Variants in RHCG observed in about 807,000 individuals in gnomAD.
The protein encoded by RHCG is ammonium transporter Rh type C.
Under a neutral mutation model 55.3 loss-of-function variants are expected in RHCG, and 39 were observed. The ratio of observed to expected loss-of-function variants is 0.70; its 90% confidence interval spans 0.55 to 0.92. The LOEUF (loss-of-function observed/expected upper bound fraction) is 0.92, where lower values mean the gene tolerates loss of function less well. RHCG is among the 40% of genes least tolerant of loss of function. The probability of loss-of-function intolerance (pLI) is 0.00; values close to 1 mark genes in which losing one functional copy is unlikely to be tolerated. For missense variants in RHCG, 635 were observed against 627.9 expected (o/e 1.01, Z -0.12); for synonymous variants, 250 against 246.8 (o/e 1.01, Z -0.12).
chr15:89,486,564 C>CAGAGAGAG lies in RHCG; in HGVS notation c.371+227_371+234dup, dbSNP rs59120813. On this transcript the variant is annotated intron_variant, in intron 2 of 10. Transcript: ENST00000268122. Reference sequence around the variant, plus strand: ...AAGCGAAGTGAGAGAGAGAGAGAGACAGAGAGAGAGAGAGAGAGAGAGAGA... The same window carrying CAGAGAGAG: ...AAGCGAAGTGAGAGAGAGAGAGAGACAGAGAGAGAGAGAGAGAGAGAGAGAGAGAGAGA... The CAGAGAGAG allele has an allele frequency of 6.8e-4, 182 of 269,208 alleles. 1 individual carries two copies. The highest frequency in any genetic ancestry group is 3.5e-3 in the African/African-American group (102 of 29,390). The allele number at this position is 269,208 out of a possible 1,614,324, so 16.7% of individuals were successfully genotyped here. A position where few individuals can be genotyped will look rare whatever the true frequency, so the allele number is the denominator to read the frequency against.
At chr15:89,478,398 C>T (rs1433927985) in intron 5 of RHCG, among the ~76,000 whole-genome samples, 1 of 152,210 alleles carries the variant, frequency 6.6e-6, no homozygotes, top group East Asian at 1.9e-4. Context: ...TGTCTGAATG[C>T]TAACCTGTAC....
intron 9 of RHCG, 37 bp from the exon 10 acceptor site, chr15:89,472,900 C>T (rs535544909): frequency 7.2e-7 from 1 of 1,394,532 alleles, no homozygotes; most frequent in South Asian, 1.6e-5. Context: ...GGCCCTGTCC[C>T]AGTCCAGGCA....
In RHCG at chr15:89,479,757, G is replaced by A; in HGVS notation, c.671-269C>T. 7 of 489,570 alleles carry A rather than the reference G, an allele frequency of 1.4e-5. No homozygotes were observed. In the South Asian group the frequency reaches 1.9e-4, roughly 14 times the overall value. 30.3% of individuals were successfully genotyped at this position (489,570 alleles called of 1,614,324 possible). On this transcript the variant is annotated intron_variant, in intron 4 of 10. Transcript: ENST00000268122. ...CCCCACCCTGTTCCCACAGCGCCAGGAGGGAGAATCTTTTCTCTACTGTAG... is the reference window on the plus strand; with the variant it reads ...CCCCACCCTGTTCCCACAGCGCCAGAAGGGAGAATCTTTTCTCTACTGTAG...
chr15:89,474,873 C>G (rs1457611590), intron 9 of RHCG, among the ~76,000 whole-genome samples: 1 of 139,010 alleles, frequency 7.2e-6, no homozygotes, highest in Non-Finnish European at 1.5e-5. Flanking sequence ...TTCCTGCCTG[C>G]CTTCCTTCCT....
chr15:89,478,796 A>T (rs1010611238), intron 5 of RHCG, among the ~76,000 whole-genome samples: 1 of 152,186 alleles, frequency 6.6e-6, no homozygotes, highest in Non-Finnish European at 1.5e-5. Context: ...CGCTTGTGTC[A>T]GATTATAAGA....
intron 1 of RHCG, among the ~76,000 whole-genome samples, chr15:89,489,841 C>T (rs1367875071): frequency 2.0e-5 from 3 of 152,166 alleles, no homozygotes; most frequent in Admixed American, 6.5e-5. Flanking sequence ...AGGTTCTCTC[C>T]CTTATGGCAC....
intron 9 of RHCG, among the ~76,000 whole-genome samples, chr15:89,475,650 G>A (rs981774759): frequency 6.6e-6 from 1 of 152,204 alleles, no homozygotes; most frequent in Non-Finnish European, 1.5e-5. Context: ...AAGGTCTCCA[G>A]GTGGTTCTCA....
At chr15:89,489,257 C>A in intron 1 of RHCG, among the ~76,000 whole-genome samples, 1 of 152,044 alleles carries the variant, frequency 6.6e-6, no homozygotes, top group Non-Finnish European at 1.5e-5. Flanking sequence ...GCTGGGATTA[C>A]AGGCATGTGC....
In RHCG at chr15:89,472,877, A is replaced by C; in HGVS notation, c.1312-14T>G. 1 of 1,426,516 alleles carries C rather than the reference A, an allele frequency of 7.0e-7. No individual in the cohort carries two copies. Among genetic ancestry groups the C allele is most frequent in the Non-Finnish European group, 9.3e-7 (1 of 1,078,848 alleles). The allele number at this position is 1,426,516 out of a possible 1,614,324, so 88.4% of individuals were successfully genotyped here. ...CCCTTCAGGCATCTACAGAGAGAGG[A>C]TGCAACTCTGAGGGCCCTGTCCCAG... On this transcript the variant is annotated splice_polypyrimidine_tract_variant and intron_variant, in intron 9 of 10. Coordinates refer to ENST00000268122, the MANE Select transcript of RHCG (RefSeq NM_016321.3).
At chr15:89,486,712 G>A in intron 2 of RHCG, 87 bp downstream of exon 2, 3 of 1,412,060 alleles carry the variant, frequency 2.1e-6, no homozygotes, top group Non-Finnish European at 2.9e-6. Context: ...GGGTCCCGCC[G>A]ATGGGCACGC....
intron 8 of RHCG, 51 bp from the exon 9 acceptor site, chr15:89,476,879 CACCCCAGCCATTTCCCTCAGCTG>C: frequency 1.3e-6 from 2 of 1,564,436 alleles, no homozygotes; most frequent in African/African-American, 2.7e-5. Context: ...TCTCTCTGCT[CACCCCAGCCATTTCCCTCAGCTG>C]GGAAAATCCT....
chr15:89,481,225 G>A lies in RHCG; in HGVS notation c.523-817C>T, dbSNP rs535857758. Among the ~76,000 whole-genome samples the A allele has an allele frequency of 1.1e-4, 17 of 152,266 alleles. No individual in the cohort carries two copies. In the East Asian group the frequency reaches 1.5e-3, roughly 14 times the overall value. ...AGCACTTTGGGAGGCCAAGGCAGGC[G>A]GATCACCTGAGGTCAGGAGTTCAAG... is the stretch of plus-strand genomic sequence containing the variant. On this transcript the variant is annotated intron_variant, in intron 3 of 10. Transcript: ENST00000268122.
At chr15:89,495,257 C>T (rs527704199) in intron 1 of RHCG, among the ~76,000 whole-genome samples, 16 of 152,300 alleles carry the variant, frequency 1.1e-4, no homozygotes, top group Admixed American at 2.6e-4. Context: ...CAAACGCAGT[C>T]TTTTTTCATG....
Position 89,476,696 on chromosome 15 carries a change from T to C in RHCG, c.1311+59A>G, listed in dbSNP as rs945648364. On this transcript the variant is annotated intron_variant, in intron 9 of 10. Coordinates refer to ENST00000268122, the MANE Select transcript of RHCG (RefSeq NM_016321.3). ...CCAGGCCCCAGCCCAGCTGATGCAG[T>C]GGAGGCAGGGAGGGAACGCAGCTGC... 7.0e-6 allele frequency: 10 copies of C among 1,427,048 alleles called. No individual in the cohort carries two copies. The African/African-American group carries it at 1.1e-4, about 16-fold the overall frequency. The allele number at this position is 1,427,048 out of a possible 1,614,324, so 88.4% of individuals were successfully genotyped here. A position where few individuals can be genotyped will look rare whatever the true frequency, so the allele number is the denominator to read the frequency against.
chr15:89,484,237 C>T (rs140280596), intron 2 of RHCG, among the ~76,000 whole-genome samples: 159 of 152,284 alleles, frequency 1.0e-3, no homozygotes, highest in African/African-American at 3.7e-3. Context: ...CCTCATTCAC[C>T]GCTGTGTCCC....
intron 4 of RHCG, 113 bp downstream of exon 4, chr15:89,480,148 G>T: frequency 1.4e-6 from 2 of 1,413,402 alleles, no homozygotes; most frequent in Non-Finnish European, 2.0e-6. Flanking sequence ...GATCAGGTCT[G>T]ATCATGGTGG....
chr15:89,492,107 C>A (rs752230467), intron 1 of RHCG, among the ~76,000 whole-genome samples: 7 of 152,222 alleles, frequency 4.6e-5, no homozygotes, highest in Non-Finnish European at 7.3e-5. Context: ...GTCTCCCTCC[C>A]CAGCTTTGGT....
intron 2 of RHCG, 100 bp downstream of exon 2, chr15:89,486,699 C>A: frequency 1.5e-6 from 2 of 1,321,174 alleles, no homozygotes; most frequent in Non-Finnish European, 1.1e-6. Flanking sequence ...CAGCCTCAAG[C>A]CCGGGTCCCG....
At chr15:89,476,673 A>G in intron 9 of RHCG, 82 bp downstream of exon 9, 2 of 1,199,798 alleles carry the variant, frequency 1.7e-6, no homozygotes, top group East Asian at 2.3e-5. Context: ...CTGGGTCCCC[A>G]GGCCCCAGCC....
Sources: gnomAD v4.1 joint callset for allele counts (sites outside exome capture counted in the v4.1 genomes callset) on GRCh38, gnomAD v4.1.1 for gene constraint, MANE v1.5 for transcripts, NCBI Gene and HGNC (gene_info 2026-07-23, HGNC 2026-07-21) for gene names.